LZTFL1: variants seen among roughly 807,000 people sequenced by gnomAD.
LZTFL1 encodes leucine zipper transcription factor like 1, also known as leucine zipper transcription factor-like protein 1.
LZTFL1 carries 25 observed loss-of-function variants against 45.9 expected under a neutral mutation model. That is an observed-to-expected ratio of 0.54 (90% confidence interval 0.40 to 0.76). The LOEUF is 0.76. Among genes scored for constraint, LZTFL1 ranks in the 30% least tolerant of loss-of-function variants. The pLI is 0.00. For missense variants in LZTFL1, 277 were observed against 331.1 expected, an observed-to-expected ratio of 0.84 and a Z score of 1.27; for synonymous variants, 93 against 117.4, an observed-to-expected ratio of 0.79 and a Z score of 1.35.
In LZTFL1 at chr3:45,823,922, C is replaced by T. The variant is rs1700601203; in HGVS notation, c.*2392G>A. ...AAATAATGAATAGCAAAGGCTTTAT[C>T]AAATAAGATTACACAGTCAAGGTAG... On this transcript the variant is annotated 3_prime_UTR_variant, in exon 10 of 10. Transcript: ENST00000296135. The T allele has an allele frequency of 6.6e-6, 1 of 152,136 alleles. No individual in the cohort carries two copies. Among genetic ancestry groups the T allele is most frequent in the Admixed American group, 6.5e-5 (1 of 15,272 alleles). The allele number at this position is 152,136 out of a possible 1,614,324, so 9.4% of individuals were successfully genotyped here.
chr3:45,894,091 C>T (rs766978354), intron 2 of LZTFL1, among the ~76,000 whole-genome samples: 9 of 152,160 alleles, frequency 5.9e-5, no homozygotes, highest in Non-Finnish European at 1.0e-4. Flanking sequence ...AGCTCAGGCA[C>T]AGACTTCGTC....
At chr3:45,830,666 G>A (rs1191395209) in intron 7 of LZTFL1, among the ~76,000 whole-genome samples, 2 of 152,108 alleles carry the variant, frequency 1.3e-5, no homozygotes, top group Non-Finnish European at 2.9e-5. Flanking sequence ...TATCTTGCAT[G>A]CCAGGGAAAC....
At chr3:45,858,247 T>C (rs982903903) in intron 3 of LZTFL1, among the ~76,000 whole-genome samples, 2 of 152,204 alleles carry the variant, frequency 1.3e-5, no homozygotes, top group African/African-American at 4.8e-5. Context: ...AGAAAAAGCA[T>C]CTCATGCTTC....
rs572357582 is a variant in LZTFL1, at chr3:45,913,717, T to A, written c.-272-540A>T. ...AGTAGTTAGGGTAAAGATGCCATTT[T>A]TTCCCCCACCCATTTTCAAAGACCT... On this transcript the variant is annotated intron_variant, in intron 1 of 4. Coordinates refer to the LZTFL1 transcript ENST00000472635. Among the ~76,000 whole-genome samples the A allele has an allele frequency of 4.6e-5, 7 of 152,316 alleles. No individual in the cohort carries two copies. The East Asian group carries it at 1.3e-3, about 29-fold the overall frequency.
In LZTFL1 at chr3:45,901,442, G is replaced by T. The variant is rs374133687; in HGVS notation, c.-215+11678C>A. The stretch of plus-strand genomic sequence containing the variant: ...TGAAGTCAGCTGTCTTGACCCTGAA[G>T]GTCATTCTGGGGTTCTTCCTTCCCT... On this transcript the variant is annotated intron_variant, in intron 2 of 4. Transcript: ENST00000472635. The surrounding 1 kb of genome is among the most constrained non-coding windows in gnomAD (Gnocchi z 4.3). 1 of 1,614,124 alleles carries T rather than the reference G, an allele frequency of 6.2e-7. No individual in the cohort carries two copies. The highest frequency in any genetic ancestry group is 8.5e-7 in the Non-Finnish European group (1 of 1,180,016).
chr3:45,841,443 G>A (rs2633734), intron 1 of LZTFL1, among the ~76,000 whole-genome samples: 11,433 of 152,282 alleles, frequency 0.075, 516 homozygotes, highest in Non-Finnish European at 0.088. Context: ...GGGGTGCTGG[G>A]ATTCTTAAAG....
upstream of LZTFL1, among the ~76,000 whole-genome samples, chr3:45,843,997 A>G (rs1207396871): frequency 6.6e-6 from 1 of 152,100 alleles, no homozygotes; most frequent in Non-Finnish European, 1.5e-5. Context: ...GTGTGAGTGT[A>G]TGTGTGTGTG....
chr3:45,874,825 T>C (rs1401629795), intron 2 of LZTFL1, among the ~76,000 whole-genome samples: 1 of 152,192 alleles, frequency 6.6e-6, no homozygotes, highest in African/African-American at 2.4e-5. Context: ...TGTGTACTTC[T>C]CTCTCTATAA....
intron 2 of LZTFL1, among the ~76,000 whole-genome samples, chr3:45,891,792 T>C (rs1193098476): frequency 2.6e-5 from 4 of 152,234 alleles, no homozygotes; most frequent in Admixed American, 6.5e-5. Flanking sequence ...TCTCAGTTTT[T>C]CTTTGTCTCA....
intron 8 of LZTFL1, 38 bp from the exon 9 acceptor site, chr3:45,827,497 TAG>T (rs1450127116): frequency 7.8e-7 from 1 of 1,284,108 alleles, no homozygotes; most frequent in Non-Finnish European, 1.1e-6. Flanking sequence ...ACTAAAAAAA[TAG>T]TTAAGGAAAG....
At chr3:45,878,755 C>G (rs1701797544) in intron 2 of LZTFL1, among the ~76,000 whole-genome samples, 1 of 152,148 alleles carries the variant, frequency 6.6e-6, no homozygotes. Context: ...AAATAAGCAA[C>G]CCAATTAAAA....
intron 7 of LZTFL1, 83 bp downstream of exon 7, chr3:45,830,830 G>T: frequency 8.6e-7 from 1 of 1,161,490 alleles, no homozygotes; most frequent in South Asian, 1.3e-5. Flanking sequence ...GGGGTACAGT[G>T]AGCAGTAACT....
intron 4 of LZTFL1, chr3:45,854,943 C>T (rs1426779646): frequency 1.4e-6 from 2 of 1,400,948 alleles, no homozygotes; most frequent in Non-Finnish European, 1.9e-6. Context: ...ACAACCACCA[C>T]CAAAACATAA....
intron 2 of LZTFL1, among the ~76,000 whole-genome samples, chr3:45,912,197 C>T (rs1213624402): frequency 6.6e-6 from 1 of 152,076 alleles, no homozygotes; most frequent in Admixed American, 6.5e-5. Context: ...AAGATTGTTG[C>T]GTGTGTTTTT....
intron 2 of LZTFL1, among the ~76,000 whole-genome samples, chr3:45,885,143 G>C (rs549208555): frequency 6.6e-6 from 1 of 152,224 alleles, no homozygotes; most frequent in East Asian, 1.9e-4. Flanking sequence ...CGGGAACTGA[G>C]GGTGATGAAG....
intron 4 of LZTFL1, among the ~76,000 whole-genome samples, chr3:45,853,750 T>A (rs919321753): frequency 3.9e-5 from 6 of 152,152 alleles, no homozygotes; most frequent in African/African-American, 9.7e-5. Flanking sequence ...TCAAGTCTCC[T>A]CCACATTAAA....
rs1184070165 is a variant in LZTFL1, at chr3:45,882,926, A to G, written c.-214-23910T>C. Among the ~76,000 whole-genome samples, 5 of 152,088 alleles carry G rather than the reference A, an allele frequency of 3.3e-5. No homozygotes were observed. The South Asian group carries it at 8.3e-4, about 25-fold the overall frequency. On this transcript the variant is annotated intron_variant, in intron 2 of 4. Coordinates refer to the LZTFL1 transcript ENST00000472635. ...ATAACAGTTTATTACTTATAGTTCT[A>G]TATTTGTGGACAGATCGTTTTAGAA...
intron 2 of LZTFL1, among the ~76,000 whole-genome samples, chr3:45,899,933 G>A (rs765133536): frequency 6.6e-6 from 1 of 152,140 alleles, no homozygotes; most frequent in Non-Finnish European, 1.5e-5. Flanking sequence ...GTGTGTATGC[G>A]CATATATGTG....
At chr3:45,879,997 T>G (rs538203755) in intron 2 of LZTFL1, among the ~76,000 whole-genome samples, 113 of 152,208 alleles carry the variant, frequency 7.4e-4, no homozygotes, top group Middle Eastern at 3.4e-3. Flanking sequence ...GAGGGAGGGA[T>G]GTAAGCACCC....
Sources: gnomAD v4.1 joint callset for allele counts (sites outside exome capture counted in the v4.1 genomes callset) on GRCh38, gnomAD v4.1.1 for gene constraint, Gnocchi (gnomAD v3.1) non-coding constraint, MANE v1.5 for transcripts, NCBI Gene and HGNC (gene_info 2026-07-23, HGNC 2026-07-21) for gene names.